The following VPS50 variants were observed in gnomAD, a reference collection of about 807,000 sequenced individuals.
VPS50 encodes the protein VPS50 subunit of EARP/GARPII complex.
In VPS50, 70 loss-of-function variants were observed where a neutral mutation model predicts 139.7. The observed-to-expected ratio is 0.50, with a 90% CI of 0.41 to 0.61. VPS50 has a LOEUF of 0.61. Ranked by LOEUF, VPS50 falls within the 20% of genes least tolerant of loss-of-function variation. The pLI, the probability that VPS50 is intolerant of heterozygous loss-of-function variation, is 0.00. For missense variants in VPS50, 921 were observed against 1,133.7 expected, an observed-to-expected ratio of 0.81 and a Z score of 2.69; for synonymous variants, 365 against 376.7, an observed-to-expected ratio of 0.97 and a Z score of 0.36.
Position 93,358,389 on chromosome 7 carries a change from C to A in VPS50, c.2848C>A (p.Gln950Lys). The change falls in exon 28 of 28, where the codon CAA becomes AAA. Residue 950 changes from glutamine to lysine, a missense_variant. This residue lies in a region of VPS50 where 158 missense variants were observed against 156.3 expected (regional missense o/e 1.01). Transcript: ENST00000305866. ...LGSHINKKAR[Q>K]KLLAAIDDID... is the part of the protein sequence containing the mutation. ...ATCCCATATCAATAAGAAAGCAAGA[C>A]AAAAACTTCTAGCAGCTATAGATGA... 2 of 1,611,650 alleles carry A rather than the reference C, an allele frequency of 1.2e-6. No individual in the cohort carries two copies. The highest frequency in any genetic ancestry group is 1.7e-6 in the Non-Finnish European group (2 of 1,178,004).
Position 93,261,076 on chromosome 7 carries a change from T to C in VPS50, c.659+1444T>C, listed in dbSNP as rs553902175. Among the ~76,000 whole-genome samples, 12 of 152,314 alleles carry C rather than the reference T, an allele frequency of 7.9e-5. No homozygotes were observed. In the East Asian group the frequency reaches 1.7e-3, roughly 22 times the overall value. The stretch of plus-strand genomic sequence containing the variant: ...ATTTACACTTATTAGGTTAAATAAA[T>C]AGAGAATTAGTTTTAGTGTGTTGAA... On this transcript the variant is annotated intron_variant, in intron 9 of 27. Transcript: ENST00000305866.
At chr7:93,303,662 A>G in intron 17 of VPS50, 112 bp downstream of exon 17, 2 of 488,886 alleles carry the variant, frequency 4.1e-6, no homozygotes, top group Non-Finnish European at 7.2e-6. Flanking sequence ...TAAATTAAGG[A>G]GCAGTTTCTT....
chr7:93,349,806 G>A (rs1798506565), intron 24 of VPS50, 69 bp from the exon 25 acceptor site: 1 of 1,132,462 alleles, frequency 8.8e-7, no homozygotes, highest in Non-Finnish European at 1.3e-6. Context: ...GGAAACAGGG[G>A]CAAGTATTCT....
At chr7:93,242,937 G>A (rs1454717846) in intron 2 of VPS50, among the ~76,000 whole-genome samples, 1 of 151,928 alleles carries the variant, frequency 6.6e-6, no homozygotes, top group East Asian at 1.9e-4. Flanking sequence ...GCTAGAAAAA[G>A]GAGGGTAGTG....
At position 93,250,240 on chromosome 7, in the gene VPS50, AT is replaced by A. The variant is rs995945307; in HGVS notation, c.103-2406del. 3.9e-5 allele frequency among the ~76,000 whole-genome samples: 6 copies of A among 152,094 alleles called. No homozygotes were observed. The South Asian group carries it at 8.3e-4, about 21-fold the overall frequency. On this transcript the variant is annotated intron_variant, in intron 2 of 27. Transcript: ENST00000305866. ...TTTTCTTGAGTTTTAGATTTGTTCT[AT>A]TTTTTTGGCTTGAAATTACTAATAG...
At chr7:93,332,541 T>C (rs1472983964) in intron 21 of VPS50, among the ~76,000 whole-genome samples, 1 of 152,232 alleles carries the variant, frequency 6.6e-6, no homozygotes. Context: ...ACAGCTACTT[T>C]AGAAAACAAC....
intron 24 of VPS50, 105 bp from the exon 25 acceptor site, chr7:93,349,770 T>C (rs1485808819): frequency 2.5e-6 from 2 of 793,940 alleles, no homozygotes; most frequent in South Asian, 2.1e-5. Flanking sequence ...ATATATAGTG[T>C]TTTATTTTCA....
chr7:93,259,707 A>C (rs1383034058), intron 9 of VPS50, 75 bp downstream of exon 9: 2 of 756,956 alleles, frequency 2.6e-6, no homozygotes, highest in African/African-American at 1.7e-5. Context: ...AAATGTTAAT[A>C]AACATTGAAA....
chr7:93,312,001 G>A (rs1440112815), intron 20 of VPS50, among the ~76,000 whole-genome samples: 1 of 152,066 alleles, frequency 6.6e-6, no homozygotes, highest in East Asian at 1.9e-4. Flanking sequence ...TTCTATCTAT[G>A]GAGATGGTAT....
chr7:93,358,248 T>G, intron 27 of VPS50, 69 bp from the exon 28 acceptor site: 1 of 1,428,892 alleles, frequency 7.0e-7, no homozygotes, highest in Non-Finnish European at 9.8e-7. Context: ...TATCCGCCTG[T>G]TCTTTTGTTG....
At chr7:93,311,008 T>A (rs781096934) in intron 19 of VPS50, among the ~76,000 whole-genome samples, 158 bp from the exon 20 acceptor site, 8 of 152,122 alleles carry the variant, frequency 5.3e-5, no homozygotes, top group Non-Finnish European at 2.9e-5. Context: ...CCTTATGGAT[T>A]GTAAATTTTA....
At chr7:93,327,369 TTAAAA>T (rs142347477) in intron 21 of VPS50, among the ~76,000 whole-genome samples, 6,429 of 152,228 alleles carry the variant, frequency 0.042, 177 homozygotes, top group African/African-American at 0.067. Context: ...ATAAGATGTG[TTAAAA>T]TAAATAAGAT....
chr7:93,300,140 T>C (rs1317119488), intron 16 of VPS50, among the ~76,000 whole-genome samples: 2 of 152,076 alleles, frequency 1.3e-5, no homozygotes, highest in Non-Finnish European at 1.5e-5. Context: ...AAACAAAACA[T>C]AGAAAATGTG....
chr7:93,296,757 G>A lies in VPS50; in HGVS notation c.1183G>A (p.Val395Ile), dbSNP rs1268455022. ...TRIWQDVQLK[V>I]KTYLLGTDLS... is the part of the protein sequence containing the mutation. ...TGCCTTACAGGATGTTCAGCTAAAA[G>A]TAAAAACCTACTTGCTTGGAACTGA... is the stretch of plus-strand genomic sequence containing the variant. Residue 395 changes from valine to isoleucine, a missense_variant, in exon 15 of 28, where the codon GTA becomes ATA. This residue lies in a region of VPS50 where 744 missense variants were observed against 930.6 expected (regional missense o/e 0.80). Coordinates refer to ENST00000305866, the MANE Select transcript of VPS50 (RefSeq NM_017667.4). The A allele has an allele frequency of 6.2e-7, 1 of 1,602,354 alleles. No individual in the cohort carries two copies. Among genetic ancestry groups the A allele is most frequent in the Non-Finnish European group, 8.5e-7 (1 of 1,177,414 alleles).
intron 26 of VPS50, among the ~76,000 whole-genome samples, chr7:93,355,176 A>G (rs777900959): frequency 2.6e-5 from 4 of 151,276 alleles, no homozygotes; most frequent in Non-Finnish European, 4.4e-5. Context: ...ATTTTCTTGC[A>G]ACTTTCCTTA....
At chr7:93,325,118 A>G (rs1360735040) in intron 21 of VPS50, among the ~76,000 whole-genome samples, 1 of 152,224 alleles carries the variant, frequency 6.6e-6, no homozygotes. Context: ...ATGGAACAGA[A>G]CAGAGCCCAC....
In VPS50 at chr7:93,336,586, T is replaced by C. The variant is rs964974469; in HGVS notation, c.2058+2389T>C. On this transcript the variant is annotated intron_variant, in intron 22 of 27. Transcript: ENST00000305866. Reference sequence around the variant, plus strand: ...TGGAGTGCAGTGGTAAGATCTTGTCTCACTGCAACCTCCACCTCCCAGGTT... The same window carrying C: ...TGGAGTGCAGTGGTAAGATCTTGTCCCACTGCAACCTCCACCTCCCAGGTT... Among the ~76,000 whole-genome samples the C allele has an allele frequency of 3.9e-5, 6 of 152,306 alleles. 1 individual carries two copies. Among genetic ancestry groups the C allele is most frequent in the African/African-American group, 9.6e-5 (4 of 41,578 alleles).
intron 22 of VPS50, chr7:93,340,581 G>A (rs534233437): frequency 1.3e-5 from 2 of 152,296 alleles, no homozygotes; most frequent in Admixed American, 6.5e-5. Context: ...TTGCCAACCT[G>A]TTTGTTTATA....
rs149664732 is a variant in VPS50 at position 93,336,693 on chromosome 7, T to C, written c.2058+2496T>C. ...CACGCCCGGCTAGTTTTTGTATTTTTAGTAGAGACAGGTTTGCCATGTTGG... is the reference window on the plus strand; with the variant it reads ...CACGCCCGGCTAGTTTTTGTATTTTCAGTAGAGACAGGTTTGCCATGTTGG... On this transcript the variant is annotated intron_variant, in intron 22 of 27. Transcript: ENST00000305866. Among the ~76,000 whole-genome samples, 1,442 of 152,202 alleles carry C rather than the reference T, an allele frequency of 9.5e-3. 17 individuals are homozygous for C. Among genetic ancestry groups the C allele is most frequent in the Non-Finnish European group, 0.012 (834 of 67,990 alleles).
Sources: allele counts gnomAD v4.1 joint callset (sites outside exome capture counted in the v4.1 genomes callset), GRCh38; gene constraint gnomAD v4.1.1; regional missense constraint gnomAD v4.1.1; transcripts MANE v1.5; gene names NCBI Gene and HGNC (gene_info 2026-07-23, HGNC 2026-07-21).